INPP5F: variants seen among roughly 807,000 people sequenced by gnomAD.
The protein encoded by INPP5F is phosphatidylinositide 4-phosphatase SAC2.
INPP5F carries 97 observed loss-of-function variants against 137.2 expected under a neutral mutation model. The ratio of observed to expected loss-of-function variants is 0.71; its 90% CI spans 0.60 to 0.84. The LOEUF (loss-of-function observed/expected upper bound fraction) is 0.84. INPP5F is among the 40% of genes least tolerant of loss of function. The probability of loss-of-function intolerance (pLI) is 0.00; values close to 1 mark genes in which losing one functional copy is unlikely to be tolerated. For synonymous variants in INPP5F, 504 were observed against 476.9 expected (o/e 1.06, Z -0.74); for missense variants, 1,271 against 1,371.9 (o/e 0.93, Z 1.16).
At chr10:119,771,866 ATATATATATATATATATTTTTTT>A (rs1849354708) in intron 2 of INPP5F, among the ~76,000 whole-genome samples, 1 of 16,616 alleles carries the variant, frequency 6.0e-5, no homozygotes, top group Non-Finnish European at 1.1e-4. Flanking sequence ...ATATATATAT[ATATATATATATATATATTTTTTT>A]TTTTTTTTTT....
intron 13 of INPP5F, among the ~76,000 whole-genome samples, chr10:119,809,041 A>C (rs193001947): frequency 8.5e-4 from 129 of 152,192 alleles, no homozygotes; most frequent in African/African-American, 3.0e-3. Flanking sequence ...CTGGCCAACA[A>C]GGTGAAACCC....
intron 2 of INPP5F, among the ~76,000 whole-genome samples, chr10:119,775,290 T>G (rs1447704418): frequency 2.0e-5 from 3 of 152,162 alleles, no homozygotes; most frequent in African/African-American, 7.2e-5. Flanking sequence ...GCATCTCTCA[T>G]TCTGTTGCCC....
chr10:119,729,998 T>A (rs1848009868), intron 1 of INPP5F, among the ~76,000 whole-genome samples: 1 of 152,178 alleles, frequency 6.6e-6, no homozygotes, highest in Non-Finnish European at 1.5e-5. Context: ...TTCTGGTGTT[T>A]CTAATTTTTT....
At position 119,809,958 on chromosome 10, in the gene INPP5F, ATAC is replaced by A. The variant is rs745379424; in HGVS notation, c.1570-139_1570-137del. The A allele has an allele frequency of 6.7e-4, 402 of 597,136 alleles. 1 individual carries two copies. The highest frequency in any genetic ancestry group is 1.1e-3 in the Non-Finnish European group (355 of 333,176). The allele number at this position is 597,136 out of a possible 1,614,324, so 37.0% of individuals were successfully genotyped here. On this transcript the variant is annotated intron_variant, in intron 13 of 19. Transcript: ENST00000650623. Reference sequence around the variant, plus strand: ...TACTAGTAGATATTTTAATTTAACTATACTATTTGAAAATTATAGAAGTCAGAC... The same window carrying A: ...TACTAGTAGATATTTTAATTTAACTATATTTGAAAATTATAGAAGTCAGAC...
At chr10:119,802,023 T>C (rs984547963) in intron 9 of INPP5F, among the ~76,000 whole-genome samples, 1 of 152,186 alleles carries the variant, frequency 6.6e-6, no homozygotes, top group African/African-American at 2.4e-5. Context: ...ACAGTCGGTC[T>C]GACTCAGCCA....
intron 1 of INPP5F, among the ~76,000 whole-genome samples, chr10:119,732,108 C>T (rs1848089494): frequency 7.0e-6 from 1 of 142,998 alleles, no homozygotes; most frequent in East Asian, 2.3e-4. Flanking sequence ...TGGCCCACTG[C>T]AACTGCAACC....
intron 1 of INPP5F, among the ~76,000 whole-genome samples, chr10:119,747,047 C>T (rs867464996): frequency 2.6e-5 from 4 of 152,034 alleles, no homozygotes; most frequent in Admixed American, 2.6e-4. Flanking sequence ...CCTCGGCCTT[C>T]CGAAGTGCTG....
chr10:119,798,908 G>C (rs1169045826), intron 9 of INPP5F, among the ~76,000 whole-genome samples: 1 of 151,328 alleles, frequency 6.6e-6, no homozygotes, highest in African/African-American at 2.4e-5. Context: ...TGGGACTGCA[G>C]GCATGTGCCA....
At position 119,823,842 on chromosome 10, in the gene INPP5F, T is replaced by C. The variant is rs1851659528; in HGVS notation, c.2189T>C (p.Leu730Pro). The C allele has an allele frequency of 6.2e-7, 1 of 1,614,014 alleles. No individual in the cohort carries two copies. The highest frequency in any genetic ancestry group is 1.7e-5 in the Admixed American group (1 of 60,006). ...ACCCTTCAGTGCATTGCAGAGATGC[T>C]GCAGATCACCAAGCAAGCCATGGGA... Reference protein sequence around the residue: ...KDTLQCIAEMLQITKQAMGSD... With the variant: ...KDTLQCIAEMPQITKQAMGSD... Residue 730 changes from leucine (L) to proline (P), a missense_variant, in exon 19 of 20, where the codon CTG becomes CCG. Coordinates refer to ENST00000650623, the MANE Select transcript of INPP5F (RefSeq NM_014937.4).
intron 2 of INPP5F, among the ~76,000 whole-genome samples, chr10:119,764,356 C>A (rs921982415): frequency 6.6e-6 from 1 of 152,170 alleles, no homozygotes; most frequent in African/African-American, 2.4e-5. Flanking sequence ...CACACACACA[C>A]ACACAAACAC....
At chr10:119,802,647 A>C (rs1850633198) in intron 9 of INPP5F, among the ~76,000 whole-genome samples, 1 of 152,026 alleles carries the variant, frequency 6.6e-6, no homozygotes, top group Non-Finnish European at 1.5e-5. Flanking sequence ...TTTTTTAAAA[A>C]CTCCATGGAC....
chr10:119,738,277 A>T (rs1488232557), intron 1 of INPP5F, among the ~76,000 whole-genome samples: 1 of 152,264 alleles, frequency 6.6e-6, no homozygotes, highest in Non-Finnish European at 1.5e-5. Context: ...TCTTTTCCTT[A>T]TAGATAACGT....
At chr10:119,799,217 T>C in intron 9 of INPP5F, 1 of 300,034 alleles carries the variant, frequency 3.3e-6, no homozygotes, top group Non-Finnish European at 6.6e-6. Flanking sequence ...GATGAATATA[T>C]AATAGTAATT....
chr10:119,781,648 G>C lies in INPP5F; in HGVS notation c.192G>C (p.Trp64Cys). The change falls in exon 3 of 20, where the codon TGG becomes TGC. Residue 64 changes from tryptophan to cysteine, a missense_variant. Transcript: ENST00000650623. Reference sequence around the variant, plus strand: ...CTCCTCTTTCAGATCTTCCATGGTGGCTTATTCTAATTCGGCAGAAAGCAT... The same window carrying C: ...CTCCTCTTTCAGATCTTCCATGGTGCCTTATTCTAATTCGGCAGAAAGCAT... ...KIQLHSDLPW[W>C]LILIRQKALV... 6.2e-7 allele frequency: 1 copy of C among 1,609,704 alleles called. No individual in the cohort carries two copies. The highest frequency in any genetic ancestry group is 8.5e-7 in the Non-Finnish European group (1 of 1,177,272).
Position 119,805,220 on chromosome 10 carries a change from C to T in INPP5F, c.1242-164C>T, listed in dbSNP as rs971144154. On this transcript the variant is annotated intron_variant, in intron 10 of 19. Coordinates refer to ENST00000650623, the MANE Select transcript of INPP5F (RefSeq NM_014937.4). ...TTTCACAATGCAGATTAGCTATAAA[C>T]ATTTACCTAATTGCCTATATAATAT... Among the ~76,000 whole-genome samples, 11 of 152,156 alleles carry T rather than the reference C, an allele frequency of 7.2e-5. No individual in the cohort carries two copies. In the East Asian group the frequency reaches 2.1e-3, roughly 29 times the overall value.
At chr10:119,758,378 T>G (rs1420305555) in intron 2 of INPP5F, among the ~76,000 whole-genome samples, 2 of 152,150 alleles carry the variant, frequency 1.3e-5, no homozygotes, top group African/African-American at 4.8e-5. Flanking sequence ...AAAGGCCCGG[T>G]TCTTGGCAGA....
At position 119,748,002 on chromosome 10, in the gene INPP5F, C is replaced by T. The variant is rs369740982; in HGVS notation, c.98-3074C>T. Among the ~76,000 whole-genome samples the T allele has an allele frequency of 6.6e-5, 10 of 152,210 alleles. No individual in the cohort carries two copies. Among genetic ancestry groups the T allele is most frequent in the Non-Finnish European group, 1.2e-4 (8 of 68,044 alleles). On this transcript the variant is annotated intron_variant, in intron 1 of 19. Coordinates refer to ENST00000650623, the MANE Select transcript of INPP5F (RefSeq NM_014937.4). The surrounding 1 kb of genome is among the most constrained non-coding windows in gnomAD (Gnocchi z 4.7). ...GTGGCGATTTTGCCTGAGTTTTCCT[C>T]GGGTCCACTGGGCTTTTTCCACTGT...
chr10:119,764,362 AACAC>A lies in INPP5F; in HGVS notation c.178+13212_178+13215del, dbSNP rs761661704. Among the ~76,000 whole-genome samples, 20 of 148,178 alleles carry A rather than the reference AACAC, an allele frequency of 1.3e-4. No homozygotes were observed. In the East Asian group the frequency reaches 2.4e-3, roughly 18 times the overall value. ...GCGTGTGCACACACACACACACACA[AACAC>A]ACACAGTTGACCCTTGGACAACACA... On this transcript the variant is annotated intron_variant, in intron 2 of 19. Coordinates refer to ENST00000650623, the MANE Select transcript of INPP5F (RefSeq NM_014937.4).
Position 119,826,809 on chromosome 10 carries a change from G to C in INPP5F, c.2428G>C (p.Glu810Gln), listed in dbSNP as rs752983393. The change falls in exon 20 of 20, where the codon GAA becomes CAA. Residue 810 changes from glutamate to glutamine, a missense_variant. Around this residue, in one of 6 missense-constraint regions of INPP5F, gnomAD observed 490 missense variants for 443.7 expected, o/e 1.10. Coordinates refer to ENST00000650623, the MANE Select transcript of INPP5F (RefSeq NM_014937.4). ...AAAGCTAGGAAACTTTACCAAACCT[G>C]AAATGAAAGTTAACTTTCTAAAACC... ...LRKLGNFTKP[E>Q]MKVNFLKPNL... 1 of 1,613,652 alleles carries C rather than the reference G, an allele frequency of 6.2e-7. No homozygotes were observed. The highest frequency in any genetic ancestry group is 1.1e-5 in the South Asian group (1 of 90,944).
Sources: allele counts gnomAD v4.1 joint callset (sites outside exome capture counted in the v4.1 genomes callset), GRCh38; gene constraint gnomAD v4.1.1; regional missense constraint gnomAD v4.1.1; non-coding constraint Gnocchi (gnomAD v3.1); transcripts MANE v1.5; gene names NCBI Gene and HGNC (gene_info 2026-07-23, HGNC 2026-07-21).